The following RERE variants were observed in gnomAD, a reference collection of about 807,000 sequenced individuals.
The protein encoded by RERE is arginine-glutamic acid dipeptide repeats.
Under a neutral mutation model 146.1 loss-of-function variants are expected in RERE, and 40 were observed. The observed-to-expected ratio is 0.27, with a 90% CI of 0.21 to 0.36. RERE has a LOEUF of 0.36. Ranked by LOEUF, RERE falls within the 10% of genes least tolerant of loss-of-function variation. The pLI is 1.00. For missense variants in RERE, 1,933 were observed against 2,138.7 expected (o/e 0.90, Z 1.90); for synonymous variants, 1,003 against 866.0 (o/e 1.16, Z -2.78).
intron 11 of RERE, among the ~76,000 whole-genome samples, chr1:8,455,898 C>T (rs1644447689): frequency 2.0e-5 from 3 of 152,220 alleles, no homozygotes; most frequent in Admixed American, 2.0e-4. Flanking sequence ...GGCCACTCCT[C>T]ATTCTAAAGT....
At chr1:8,520,678 G>A (rs762925121) in intron 7 of RERE, among the ~76,000 whole-genome samples, 4 of 148,082 alleles carry the variant, frequency 2.7e-5, no homozygotes, top group African/African-American at 2.5e-5. Flanking sequence ...TACTGTAATG[G>A]CCTGTGGCAA....
chr1:8,572,510 G>A (rs1646233396), intron 4 of RERE, among the ~76,000 whole-genome samples: 1 of 152,124 alleles, frequency 6.6e-6, no homozygotes, highest in South Asian at 2.1e-4. Context: ...TATGGTCTCA[G>A]GAAATTCCTA....
intron 1 of RERE, among the ~76,000 whole-genome samples, chr1:8,716,898 A>T (rs1639775639): frequency 6.6e-6 from 1 of 152,174 alleles, no homozygotes; most frequent in Non-Finnish European, 1.5e-5. Flanking sequence ...TTTTCTTCAG[A>T]GGGCAGGCTG....
chr1:8,783,708 C>CA (rs1414760984), intron 1 of RERE, among the ~76,000 whole-genome samples: 1 of 152,180 alleles, frequency 6.6e-6, no homozygotes, highest in African/African-American at 2.4e-5. Flanking sequence ...CTTCTTTGCT[C>CA]AAAACCATCC....
rs186843499 is a variant in RERE, at chr1:8,595,680, C to T, written c.522+18881G>A. ...AGCATTTAAACATGTTATAAAAATC[C>T]TTAAAGATCATTAGTAAAAATGAGT... On this transcript the variant is annotated intron_variant, in intron 4 of 22. Coordinates refer to ENST00000400908, the MANE Select transcript of RERE (RefSeq NM_001042681.2). Among the ~76,000 whole-genome samples the T allele has an allele frequency of 3.0e-4, 45 of 152,068 alleles. No individual in the cohort carries two copies. The East Asian group carries it at 7.3e-3, about 25-fold the overall frequency.
chr1:8,714,009 T>G (rs1157636450), intron 1 of RERE, among the ~76,000 whole-genome samples: 1 of 152,136 alleles, frequency 6.6e-6, no homozygotes, highest in Non-Finnish European at 1.5e-5. Context: ...GAATTTAAAA[T>G]TCATTTGGCT....
chr1:8,448,246 A>C (rs1378443893), intron 11 of RERE, among the ~76,000 whole-genome samples: 4 of 152,118 alleles, frequency 2.6e-5, no homozygotes, highest in Non-Finnish European at 5.9e-5. Context: ...GGGACTATTT[A>C]ATTATTATTA....
intron 4 of RERE, among the ~76,000 whole-genome samples, chr1:8,577,569 T>C (rs1041215851): frequency 5.9e-5 from 9 of 152,238 alleles, no homozygotes; most frequent in African/African-American, 1.9e-4. Flanking sequence ...ACATACTCCT[T>C]GGCCCCCCAT....
At chr1:8,368,644 C>T (rs547828957) in intron 12 of RERE, among the ~76,000 whole-genome samples, 1 of 152,274 alleles carries the variant, frequency 6.6e-6, no homozygotes, top group African/African-American at 2.4e-5. Context: ...AGCAACCTGA[C>T]TTTTCTAAAT....
At chr1:8,359,652 C>T (rs1041460620) in intron 19 of RERE, 112 bp downstream of exon 19, 15 of 1,202,396 alleles carry the variant, frequency 1.2e-5, no homozygotes, top group Non-Finnish European at 1.8e-5. Flanking sequence ...AACCCTCTAG[C>T]TGCCAGGAGG....
intron 4 of RERE, among the ~76,000 whole-genome samples, chr1:8,606,908 A>T (rs1646718414): frequency 6.6e-6 from 1 of 152,194 alleles, no homozygotes; most frequent in Admixed American, 6.5e-5. Flanking sequence ...AAGAACTGAA[A>T]ATGCAACTTC....
chr1:8,454,723 T>G (rs1644430727), intron 11 of RERE, among the ~76,000 whole-genome samples: 1 of 152,022 alleles, frequency 6.6e-6, no homozygotes, highest in Non-Finnish European at 1.5e-5. Context: ...GAGGATCGCT[T>G]GAACCTGGGA....
chr1:8,594,047 C>T (rs560213713), intron 4 of RERE, among the ~76,000 whole-genome samples: 7 of 152,266 alleles, frequency 4.6e-5, no homozygotes, highest in African/African-American at 1.7e-4. Flanking sequence ...ACAGCCAATC[C>T]GAACAACAAC....
Position 8,541,374 on chromosome 1 carries a change from A to T in RERE, c.726-56T>A, listed in dbSNP as rs1645798673. On this transcript the variant is annotated intron_variant, in intron 6 of 22. Coordinates refer to ENST00000400908, the MANE Select transcript of RERE (RefSeq NM_001042681.2). The stretch of plus-strand genomic sequence containing the variant: ...TACCCTCAACTGCTTTTGCTAACCA[A>T]AACTGGAGGGGGAAGGGTGGAGGAA... 6.5e-6 allele frequency: 7 copies of T among 1,071,180 alleles called. No individual in the cohort carries two copies. The East Asian group carries it at 9.5e-5, about 14-fold the overall frequency. 66.4% of individuals were successfully genotyped at this position (1,071,180 alleles called of 1,614,324 possible). A position where few individuals can be genotyped will look rare whatever the true frequency, so the allele number is the denominator to read the frequency against.
intron 3 of RERE, among the ~76,000 whole-genome samples, chr1:8,617,169 C>T (rs1248680035): frequency 1.3e-5 from 2 of 151,654 alleles, no homozygotes; most frequent in African/African-American, 4.8e-5. Context: ...GTAGTGAAAC[C>T]CCGTCTCTAC....
At chr1:8,569,411 A>C (rs879602101) in intron 4 of RERE, among the ~76,000 whole-genome samples, 1 of 152,342 alleles carries the variant, frequency 6.6e-6, no homozygotes, top group East Asian at 1.9e-4. Flanking sequence ...GAAAAGTTAC[A>C]GAGCTCAACC....
chr1:8,559,716 C>G (rs1280117997), intron 4 of RERE, among the ~76,000 whole-genome samples: 2 of 152,126 alleles, frequency 1.3e-5, no homozygotes, highest in African/African-American at 2.4e-5. Flanking sequence ...AGACAAACTA[C>G]TGAACATATC....
chr1:8,683,440 G>A (rs369790825), intron 1 of RERE, among the ~76,000 whole-genome samples: 1 of 152,114 alleles, frequency 6.6e-6, no homozygotes, highest in Non-Finnish European at 1.5e-5. Flanking sequence ...GAAAAGACGG[G>A]GAGGGATGGG....
chr1:8,726,147 C>CTTTTCTTTTTTTTTTTTTTTTT (rs1639960710), intron 1 of RERE, among the ~76,000 whole-genome samples: 10 of 69,406 alleles, frequency 1.4e-4, no homozygotes, highest in African/African-American at 6.5e-4. Context: ...TTTTTCTTTT[C>CTTTTCTTTTTTTTTTTTTTTTT]TTTTTTTTTT....
Sources: gnomAD v4.1 joint callset for allele counts (sites outside exome capture counted in the v4.1 genomes callset) on GRCh38, gnomAD v4.1.1 for gene constraint, MANE v1.5 for transcripts, NCBI Gene and HGNC (gene_info 2026-07-23, HGNC 2026-07-21) for gene names.